The following BOD1L1 variants were observed in gnomAD, a reference collection of about 807,000 sequenced individuals.
The protein encoded by BOD1L1 is biorientation of chromosomes in cell division 1 like 1.
Under a neutral mutation model 240.7 loss-of-function variants are expected in BOD1L1, and 86 were observed. The observed-to-expected ratio is 0.36, with a 90% confidence interval of 0.30 to 0.43. The LOEUF is 0.43. Among genes scored for constraint, BOD1L1 ranks in the 20% least tolerant of loss-of-function variants. BOD1L1 has a pLI of 1.00. For synonymous variants in BOD1L1, 1,268 were observed against 1,272.3 expected, an observed-to-expected ratio of 1.00 and a Z score of 0.07; for missense variants, 3,554 against 3,643.5, an observed-to-expected ratio of 0.98 and a Z score of 0.63.
chr4:13,617,242 C>A (rs1230982847), intron 2 of BOD1L1, among the ~76,000 whole-genome samples: 591 of 115,960 alleles, frequency 5.1e-3, no homozygotes, highest in African/African-American at 0.012. Context: ...AACTCCGTCT[C>A]AAAAAAAAAA....
At chr4:13,573,442 G>GTCTATCTATCTA (rs1553830292) in intron 25 of BOD1L1, among the ~76,000 whole-genome samples, 4,489 of 120,766 alleles carry the variant, frequency 0.037, 90 homozygotes, top group African/African-American at 0.045. Context: ...CTGTCTGTCT[G>GTCTATCTATCTA]TCTATCTATC....
chr4:13,615,093 A>G (rs1332048817), intron 3 of BOD1L1, among the ~76,000 whole-genome samples: 5 of 152,224 alleles, frequency 3.3e-5, no homozygotes, highest in Non-Finnish European at 5.9e-5. Flanking sequence ...TCCTTCTATT[A>G]TCATACTCAC....
At chr4:13,584,363 T>TGTGA (rs1553836077) in intron 17 of BOD1L1, among the ~76,000 whole-genome samples, 4 of 150,922 alleles carry the variant, frequency 2.7e-5, no homozygotes, top group African/African-American at 7.3e-5. Flanking sequence ...TGTGTGTGTG[T>TGTGA]GAGAGAGAGA....
In BOD1L1 at chr4:13,613,364, G is replaced by C; in HGVS notation, c.1324+148C>G. 1.5e-6 allele frequency: 1 copy of C among 684,492 alleles called. No individual in the cohort carries two copies. The highest frequency in any genetic ancestry group is 3.5e-5 in the South Asian group (1 of 28,930). The allele number at this position is 684,492 out of a possible 1,614,324, so 42.4% of individuals were successfully genotyped here. A position where few individuals can be genotyped will look rare whatever the true frequency, so the allele number is the denominator to read the frequency against. On this transcript the variant is annotated intron_variant, in intron 5 of 25. Transcript: ENST00000040738. This position sits in a 1 kb window ranked among gnomAD's most constrained non-coding sequence, Gnocchi z 4.0. ...CAAGCTTGCTCAGACAGACAACTTT[G>C]GAGCTGGGACTCAGAAACAAATCTT...
At chr4:13,582,140 G>A in intron 19 of BOD1L1, 97 bp downstream of exon 19, 2 of 992,850 alleles carry the variant, frequency 2.0e-6, no homozygotes, top group Non-Finnish European at 3.0e-6. Flanking sequence ...CTTCTTCAAA[G>A]TACTTAAGAA....
In BOD1L1 at chr4:13,608,657, C is replaced by T. The variant is rs1257653440; in HGVS notation, c.1615G>A (p.Val539Met). The change falls in exon 8 of 26, where the codon GTG becomes ATG. Residue 539 changes from valine (V) to methionine (M), a missense_variant. By Grantham distance (21) the Val-to-Met change is conservative. This residue lies in a region of BOD1L1 where 3,393 missense variants were observed against 3,427.1 expected (regional missense o/e 0.99). Coordinates refer to ENST00000040738, the MANE Select transcript of BOD1L1 (RefSeq NM_148894.3). Reference protein sequence around the residue: ...SKTKGQGRSSVDLEESSTKSL... With the variant: ...SKTKGQGRSSMDLEESSTKSL... ...TTTGTTGATGATTCTTCTAAGTCCA[C>T]ACTACTCCTGCCTAGAAAAGAAGCA... 1 of 1,504,380 alleles carries T rather than the reference C, an allele frequency of 6.6e-7. No individual in the cohort carries two copies. The highest frequency in any genetic ancestry group is 1.4e-5 in the South Asian group (1 of 72,190). 93.2% of individuals were successfully genotyped at this position (1,504,380 alleles called of 1,614,324 possible).
intron 16 of BOD1L1, among the ~76,000 whole-genome samples, chr4:13,586,971 A>G (rs1354085204): frequency 6.6e-6 from 1 of 152,222 alleles, no homozygotes; most frequent in Non-Finnish European, 1.5e-5. Context: ...ATAGTACCTG[A>G]ATACATCAGG....
At position 13,600,923 on chromosome 4, in the gene BOD1L1, T is replaced by C. The variant is rs765478749; in HGVS notation, c.5977A>G (p.Lys1993Glu). The C allele has an allele frequency of 2.4e-5, 39 of 1,613,870 alleles. No individual in the cohort carries two copies. The highest frequency in any genetic ancestry group is 3.2e-5 in the Non-Finnish European group (38 of 1,179,890). Residue 1993 changes from lysine to glutamate, a missense_variant, in exon 10 of 26, where the codon AAA (lysine) becomes GAA (glutamate). This residue lies in a region of BOD1L1 where 3,393 missense variants were observed against 3,427.1 expected (regional missense o/e 0.99). Transcript: ENST00000040738. ...ASDQSDSQLE[K>E]VEDTTISTGL... ...GTGGAAATAGTGGTATCTTCAACTT[T>C]TTCGAGCTGACTGTCACTTTGATCA...
chr4:13,572,208 A>G (rs538607413), intron 25 of BOD1L1, among the ~76,000 whole-genome samples: 1 of 152,292 alleles, frequency 6.6e-6, no homozygotes, highest in African/African-American at 2.4e-5. Context: ...CTGACTTACT[A>G]GGGGTGCTGG....
At position 13,603,339 on chromosome 4, in the gene BOD1L1, T is replaced by C. The variant is rs747773224; in HGVS notation, c.3561A>G (p.Thr1187=). The C allele has an allele frequency of 6.2e-7, 1 of 1,614,046 alleles. No homozygotes were observed. The highest frequency in any genetic ancestry group is 8.5e-7 in the Non-Finnish European group (1 of 1,179,896). The part of the protein sequence containing the change: ...TAPAYKPGRG[T]GVNSNSEKHA... ...GCTTTTCAGAATTACTATTAACTCC[T>C]GTTCCACGGCCTGGCTTATAAGCTG... Residue 1187 remains threonine (T), a synonymous_variant, in exon 10 of 26, where the codon ACA becomes ACG. Transcript: ENST00000040738.
At chr4:13,607,545 G>A (rs6828408) in intron 8 of BOD1L1, among the ~76,000 whole-genome samples, 36 of 152,242 alleles carry the variant, frequency 2.4e-4, no homozygotes, top group African/African-American at 7.7e-4. Context: ...TGTTCCACCC[G>A]CCTCTGCCTC....
intron 8 of BOD1L1, among the ~76,000 whole-genome samples, chr4:13,607,859 G>A (rs6829086): frequency 0.11 from 17,282 of 152,226 alleles, 1,290 homozygotes; most frequent in Middle Eastern, 0.23. Flanking sequence ...CAATAAGGAT[G>A]AGAGGTAATA....
At position 13,584,490 on chromosome 4, in the gene BOD1L1, G is replaced by A. The variant is rs555240340; in HGVS notation, c.8434-1754C>T. The stretch of plus-strand genomic sequence containing the variant: ...TGTGTGTGTGTGTGTGTGTTGGAGC[G>A]AGTTTAGGAGCAGGCAGAAGTTTTT... On this transcript the variant is annotated intron_variant, in intron 17 of 25. Transcript: ENST00000040738. 3.2e-4 allele frequency among the ~76,000 whole-genome samples: 49 copies of A among 150,794 alleles called. No homozygotes were observed. The South Asian group carries it at 8.4e-3, about 26-fold the overall frequency.
chr4:13,610,061 T>C (rs1716036788), intron 6 of BOD1L1, among the ~76,000 whole-genome samples: 1 of 152,170 alleles, frequency 6.6e-6, no homozygotes, highest in South Asian at 2.1e-4. Flanking sequence ...ACTACTAGCA[T>C]TTTGGGGTAG....
intron 17 of BOD1L1, among the ~76,000 whole-genome samples, chr4:13,586,033 A>G (rs1713659882): frequency 6.6e-6 from 1 of 152,214 alleles, no homozygotes; most frequent in Non-Finnish European, 1.5e-5. Context: ...GCAGAGTACT[A>G]ATAATAACTG....
chr4:13,592,292 T>TG (rs1295079559), intron 12 of BOD1L1: 1 of 244,020 alleles, frequency 4.1e-6, no homozygotes, highest in East Asian at 9.4e-5. Flanking sequence ...TTAATGTAGC[T>TG]GTTAAGCTGC....
intron 17 of BOD1L1, among the ~76,000 whole-genome samples, chr4:13,585,195 C>A (rs974686880): frequency 2.0e-5 from 3 of 152,100 alleles, no homozygotes; most frequent in African/African-American, 7.2e-5. Flanking sequence ...AAATTCATGA[C>A]AATATGCCAC....
At chr4:13,595,766 T>C in intron 12 of BOD1L1, 94 bp downstream of exon 12, 1 of 909,604 alleles carries the variant, frequency 1.1e-6, no homozygotes, top group Admixed American at 2.2e-5. Flanking sequence ...AGAGCCTGTA[T>C]GTTACTATGC....
chr4:13,575,205 C>G (rs1002104195), intron 25 of BOD1L1, among the ~76,000 whole-genome samples: 1 of 151,994 alleles, frequency 6.6e-6, no homozygotes, highest in African/African-American at 2.4e-5. Flanking sequence ...AGGTGTGAGC[C>G]ACTGTGCCCA....
Sources: allele counts gnomAD v4.1 joint callset (sites outside exome capture counted in the v4.1 genomes callset), GRCh38; gene constraint gnomAD v4.1.1; regional missense constraint gnomAD v4.1.1; non-coding constraint Gnocchi (gnomAD v3.1); transcripts MANE v1.5; gene names NCBI Gene and HGNC (gene_info 2026-07-23, HGNC 2026-07-21).